KCNJ6: variants seen among roughly 807,000 people sequenced by gnomAD.
The protein encoded by KCNJ6 is potassium inwardly rectifying channel subfamily J member 6, also known as G protein-activated inward rectifier potassium channel 2.
Under a neutral mutation model 34.2 loss-of-function variants are expected in KCNJ6, and 9 were observed. The ratio of observed to expected loss-of-function variants is 0.26; its 90% CI spans 0.16 to 0.46. The LOEUF is 0.46. Ranked by LOEUF, KCNJ6 falls within the 20% of genes least tolerant of loss-of-function variation. The pLI, the probability that KCNJ6 is intolerant of heterozygous loss-of-function variation, is 1.00. For synonymous variants in KCNJ6, 196 were observed against 207.1 expected (o/e 0.95, Z 0.46); for missense variants, 236 against 531.3 (o/e 0.44, Z 5.46).
At chr21:37,864,269 G>A (rs2055610855) in intron 1 of KCNJ6, among the ~76,000 whole-genome samples, 1 of 152,028 alleles carries the variant, frequency 6.6e-6, no homozygotes, top group African/African-American at 2.4e-5. Flanking sequence ...GCACCACCAT[G>A]CCTGGTTAAT....
chr21:37,667,186 T>TAAAAAAAAAAAAAAAAA (rs1569441641), intron 3 of KCNJ6, among the ~76,000 whole-genome samples: 2 of 86,868 alleles, frequency 2.3e-5, no homozygotes, highest in Non-Finnish European at 4.4e-5. Flanking sequence ...AAAAAAAAAT[T>TAAAAAAAAAAAAAAAAA]AAATGAGGCA....
intron 2 of KCNJ6, among the ~76,000 whole-genome samples, chr21:37,839,908 C>T (rs1461315958): frequency 6.6e-6 from 1 of 152,176 alleles, no homozygotes; most frequent in Non-Finnish European, 1.5e-5. Flanking sequence ...ATTCTCCTGC[C>T]TCAGCTTCCG....
At chr21:37,641,871 T>C (rs905950728) in intron 3 of KCNJ6, among the ~76,000 whole-genome samples, 4 of 152,010 alleles carry the variant, frequency 2.6e-5, no homozygotes, top group South Asian at 2.1e-4. Flanking sequence ...GTGATGAAGA[T>C]AGGGAGACTG....
intron 3 of KCNJ6, among the ~76,000 whole-genome samples, chr21:37,635,688 T>C (rs543247037): frequency 8.2e-4 from 124 of 152,018 alleles, no homozygotes; most frequent in Non-Finnish European, 1.4e-3. Context: ...TGACTATTTT[T>C]GTATTTTTTG....
chr21:37,624,838 GA>G lies in KCNJ6; in HGVS notation c.*320del, dbSNP rs1343498762. On this transcript the variant is annotated 3_prime_UTR_variant, in exon 4 of 4. Transcript: ENST00000609713. ...AAATCTTTGACACACCTTTTTGAGTGATCTGGTATTGTACAACACATGCAGG... is the reference window on the plus strand; with the variant it reads ...AAATCTTTGACACACCTTTTTGAGTGTCTGGTATTGTACAACACATGCAGG... 3.4e-6 allele frequency: 1 copy of G among 292,486 alleles called. No individual in the cohort carries two copies. The highest frequency in any genetic ancestry group is 4.8e-5 in the Admixed American group (1 of 20,926). The allele number at this position is 292,486 out of a possible 1,614,324, so 18.1% of individuals were successfully genotyped here.
At chr21:37,845,564 CTGTT>C (rs1329290595) in intron 1 of KCNJ6, among the ~76,000 whole-genome samples, 26 of 152,318 alleles carry the variant, frequency 1.7e-4, no homozygotes, top group Middle Eastern at 3.4e-3. Context: ...ATTCACAGGA[CTGTT>C]TGAGGAACAA....
intron 3 of KCNJ6, among the ~76,000 whole-genome samples, chr21:37,681,698 A>T (rs1285987099): frequency 6.6e-6 from 1 of 152,206 alleles, no homozygotes; most frequent in South Asian, 2.1e-4. Context: ...CTTTCTATTC[A>T]TTCAACCTTT....
At chr21:37,693,492 C>T (rs568212230) in intron 3 of KCNJ6, among the ~76,000 whole-genome samples, 5 of 151,908 alleles carry the variant, frequency 3.3e-5, no homozygotes, top group East Asian at 3.9e-4. Flanking sequence ...TGGGACAAGC[C>T]GGGAGAGAAG....
chr21:37,905,597 C>T (rs2055837765), intron 1 of KCNJ6, among the ~76,000 whole-genome samples: 1 of 152,232 alleles, frequency 6.6e-6, no homozygotes, highest in Non-Finnish European at 1.5e-5. Flanking sequence ...CATTTCCCCA[C>T]ATCCCTGGAT....
At chr21:37,846,728 A>G (rs2055510523) in intron 1 of KCNJ6, among the ~76,000 whole-genome samples, 2 of 152,226 alleles carry the variant, frequency 1.3e-5, no homozygotes, top group Admixed American at 1.3e-4. Flanking sequence ...ACAACCATTT[A>G]AAGAAACATT....
chr21:37,915,899 G>A lies in KCNJ6; in HGVS notation c.-43C>T, dbSNP rs1478999593. 6.6e-6 allele frequency: 1 copy of A among 152,432 alleles called. No individual in the cohort carries two copies. Among genetic ancestry groups the A allele is most frequent in the Non-Finnish European group, 1.5e-5 (1 of 68,108 alleles). 9.4% of individuals were successfully genotyped at this position (152,432 alleles called of 1,614,324 possible). ...CACCGCTTACCTGGCTGCGGACGGGGTGGCTTCACTCAATCATGATCTCCT... is the reference window on the plus strand; with the variant it reads ...CACCGCTTACCTGGCTGCGGACGGGATGGCTTCACTCAATCATGATCTCCT... On this transcript the variant is annotated 5_prime_UTR_variant, in exon 1 of 4. Transcript: ENST00000609713.
intron 1 of KCNJ6, among the ~76,000 whole-genome samples, chr21:37,881,014 G>T (rs1381317923): frequency 6.6e-6 from 1 of 152,220 alleles, no homozygotes; most frequent in Non-Finnish European, 1.5e-5. Flanking sequence ...AGGCAGAAGG[G>T]CAAGGCAACT....
intron 2 of KCNJ6, among the ~76,000 whole-genome samples, chr21:37,798,916 A>C (rs924078408): frequency 2.6e-5 from 4 of 152,180 alleles, no homozygotes; most frequent in Non-Finnish European, 4.4e-5. Context: ...GAATTATCTC[A>C]ATAAGGATTT....
At chr21:37,862,408 T>C (rs955639997) in intron 1 of KCNJ6, among the ~76,000 whole-genome samples, 4 of 152,244 alleles carry the variant, frequency 2.6e-5, no homozygotes, top group African/African-American at 9.6e-5. Flanking sequence ...TGTATACACA[T>C]TGTGGCATTC....
At chr21:37,794,908 A>T (rs906000205) in intron 2 of KCNJ6, among the ~76,000 whole-genome samples, 47 of 151,468 alleles carry the variant, frequency 3.1e-4, no homozygotes, top group Non-Finnish European at 4.0e-4. Flanking sequence ...AAAAAAATAG[A>T]AAAAGAAAAA....
intron 3 of KCNJ6, among the ~76,000 whole-genome samples, chr21:37,710,013 T>C (rs1039047910): frequency 2.0e-5 from 3 of 152,168 alleles, no homozygotes; most frequent in African/African-American, 7.2e-5. Context: ...CAGTGTTCTA[T>C]GCAGTATTTA....
At chr21:37,800,704 T>C (rs1024775759) in intron 2 of KCNJ6, among the ~76,000 whole-genome samples, 1 of 152,184 alleles carries the variant, frequency 6.6e-6, no homozygotes, top group Non-Finnish European at 1.5e-5. Context: ...TGAAGGCACA[T>C]CCTGTTTGCC....
At chr21:37,700,363 C>T (rs1401929965) in intron 3 of KCNJ6, among the ~76,000 whole-genome samples, 1 of 152,178 alleles carries the variant, frequency 6.6e-6, no homozygotes, top group Non-Finnish European at 1.5e-5. Flanking sequence ...TAATCCATGG[C>T]ATATTCAGGA....
chr21:37,792,628 A>G (rs182599779), intron 2 of KCNJ6, among the ~76,000 whole-genome samples: 1 of 152,276 alleles, frequency 6.6e-6, no homozygotes, highest in Non-Finnish European at 1.5e-5. Context: ...TCCACTCCTC[A>G]TAGTAGGCTT....
Sources: allele counts gnomAD v4.1 joint callset (sites outside exome capture counted in the v4.1 genomes callset), GRCh38; gene constraint gnomAD v4.1.1; transcripts MANE v1.5; gene names NCBI Gene and HGNC (gene_info 2026-07-23, HGNC 2026-07-21).